The following AOAH variants were observed in gnomAD, a reference collection of about 807,000 sequenced individuals.
AOAH encodes the protein acyloxyacyl hydrolase (neutrophil).
AOAH carries 64 observed loss-of-function variants against 92.2 expected under a neutral mutation model. That is an observed-to-expected ratio of 0.69 (90% CI 0.57 to 0.86). AOAH has a LOEUF of 0.86. AOAH is among the 40% of genes least tolerant of loss of function. The pLI is 0.00. For missense variants in AOAH, 656 were observed against 694.6 expected (o/e 0.94, Z 0.62); for synonymous variants, 263 against 254.5 (o/e 1.03, Z -0.32).
chr7:36,715,847 T>C (rs1267997478), intron 1 of AOAH, among the ~76,000 whole-genome samples: 1 of 152,010 alleles, frequency 6.6e-6, no homozygotes, highest in Non-Finnish European at 1.5e-5. Flanking sequence ...AAGACTTAAA[T>C]GTTAGACCTA....
chr7:36,556,438 T>C (rs1242170524), intron 13 of AOAH, among the ~76,000 whole-genome samples: 2 of 152,174 alleles, frequency 1.3e-5, no homozygotes, highest in Non-Finnish European at 2.9e-5. Context: ...TGTGGTGTGG[T>C]GATGAAAAAA....
chr7:36,632,114 GAA>G lies in AOAH; in HGVS notation c.451-10_451-9del, dbSNP rs3832509. 2.1e-5 allele frequency: 27 copies of G among 1,301,780 alleles called. No individual in the cohort carries two copies. The highest frequency in any genetic ancestry group is 1.5e-4 in the Admixed American group (7 of 47,546). The allele number at this position is 1,301,780 out of a possible 1,614,324, so 80.6% of individuals were successfully genotyped here. A position where few individuals can be genotyped will look rare whatever the true frequency, so the allele number is the denominator to read the frequency against. On this transcript the variant is annotated splice_polypyrimidine_tract_variant and intron_variant, in intron 5 of 20. Transcript: ENST00000617537. Reference sequence around the variant, plus strand: ...ACCACTTCTAGAATATTTCTGGGGAGAAAAAAAAAAACAAAAAGAGAGTTGTT... The same window carrying G: ...ACCACTTCTAGAATATTTCTGGGGAGAAAAAAAAACAAAAAGAGAGTTGTT...
At chr7:36,576,025 T>C (rs1788472667) in intron 13 of AOAH, among the ~76,000 whole-genome samples, 1 of 152,174 alleles carries the variant, frequency 6.6e-6, no homozygotes, top group South Asian at 2.1e-4. Flanking sequence ...TGCATTATGG[T>C]GTTACAAAAC....
At chr7:36,644,037 G>T (rs1459145798) in intron 4 of AOAH, among the ~76,000 whole-genome samples, 1 of 152,196 alleles carries the variant, frequency 6.6e-6, no homozygotes, top group East Asian at 1.9e-4. Flanking sequence ...ACAATGTTGT[G>T]CCATGAATTA....
At chr7:36,613,989 C>CTGTT (rs1278220464) in intron 11 of AOAH, among the ~76,000 whole-genome samples, 1 of 152,144 alleles carries the variant, frequency 6.6e-6, no homozygotes, top group South Asian at 2.1e-4. Flanking sequence ...CAACCAGAGA[C>CTGTT]TGTTTGAGTT....
At chr7:36,560,177 C>T (rs1787155249) in intron 13 of AOAH, among the ~76,000 whole-genome samples, 1 of 152,070 alleles carries the variant, frequency 6.6e-6, no homozygotes, top group Admixed American at 6.6e-5. Flanking sequence ...ATGCCTCTAG[C>T]TTTATTCTTT....
intron 11 of AOAH, among the ~76,000 whole-genome samples, chr7:36,613,629 TC>T (rs1432041796): frequency 6.6e-6 from 1 of 152,202 alleles, no homozygotes; most frequent in Non-Finnish European, 1.5e-5. Flanking sequence ...TTCCAGAATT[TC>T]CCCAGCTGCC....
chr7:36,640,798 G>T (rs979070131), intron 4 of AOAH, among the ~76,000 whole-genome samples: 3 of 151,968 alleles, frequency 2.0e-5, no homozygotes, highest in South Asian at 2.1e-4. Flanking sequence ...GCCACCACTG[G>T]CTCCAACCCT....
intron 11 of AOAH, among the ~76,000 whole-genome samples, chr7:36,608,904 GC>G (rs368049235): frequency 0.013 from 1,939 of 145,396 alleles, 61 homozygotes; most frequent in African/African-American, 0.039. Context: ...AGCTGTTGCG[GC>G]GGGGAGGGGG....
At position 36,517,266 on chromosome 7, in the gene AOAH, T is replaced by TCTCTC. The variant is rs1562854281; in HGVS notation, c.1600-3887_1600-3886insGAGAG. Among the ~76,000 whole-genome samples, 19 of 4,570 alleles carry TCTCTC rather than the reference T, an allele frequency of 4.2e-3. 1 individual carries two copies. Among genetic ancestry groups the TCTCTC allele is most frequent in the East Asian group, 0.17 (1 of 6 alleles). The allele number at this position is 4,570 out of a possible 152,430, so 3.0% of individuals were successfully genotyped here. A position where few individuals can be genotyped will look rare whatever the true frequency, so the allele number is the denominator to read the frequency against. On this transcript the variant is annotated intron_variant, in intron 20 of 20. Transcript: ENST00000617537. Reference sequence around the variant, plus strand: ...TCTCTTTCTTTCTGTGTCTCTCTCTTTCTTTCTTTCTTTCTTTCTTTCTTT... The same window carrying TCTCTC: ...TCTCTTTCTTTCTGTGTCTCTCTCTTCTCTCTCTTTCTTTCTTTCTTTCTTTCTTT...
At chr7:36,637,758 G>A (rs1337099589) in intron 5 of AOAH, 93 bp downstream of exon 5, 21 of 1,139,056 alleles carry the variant, frequency 1.8e-5, no homozygotes, top group East Asian at 4.7e-5. Context: ...GCTTATATCC[G>A]GAGTAGTCCT....
intron 4 of AOAH, among the ~76,000 whole-genome samples, chr7:36,651,727 G>T (rs1277097516): frequency 6.6e-6 from 1 of 152,182 alleles, no homozygotes; most frequent in Admixed American, 6.5e-5. Context: ...CCAGGGCCCT[G>T]GGTTGAGTTC....
At chr7:36,578,653 T>C (rs1788702366) in intron 12 of AOAH, among the ~76,000 whole-genome samples, 1 of 152,214 alleles carries the variant, frequency 6.6e-6, no homozygotes, top group Non-Finnish European at 1.5e-5. Flanking sequence ...TGTTAGTCTT[T>C]GACATTATCT....
At chr7:36,535,170 TTG>T (rs980576653) in intron 16 of AOAH, among the ~76,000 whole-genome samples, 24 of 150,052 alleles carry the variant, frequency 1.6e-4, no homozygotes, top group African/African-American at 5.6e-4. Flanking sequence ...GTGTGTGTGT[TTG>T]TGTGTGTCTG....
chr7:36,646,890 C>G (rs1421032218), intron 4 of AOAH, among the ~76,000 whole-genome samples: 1 of 152,218 alleles, frequency 6.6e-6, no homozygotes, highest in Non-Finnish European at 1.5e-5. Flanking sequence ...AAATCCTTAA[C>G]TACATTACAC....
intron 12 of AOAH, among the ~76,000 whole-genome samples, chr7:36,586,308 C>T: frequency 6.6e-6 from 1 of 152,214 alleles, no homozygotes; most frequent in East Asian, 1.9e-4. Context: ...CCCATTCTTT[C>T]CAATCAGGCT....
chr7:36,534,043 A>T (rs1375634467), intron 16 of AOAH, among the ~76,000 whole-genome samples: 1 of 151,736 alleles, frequency 6.6e-6, no homozygotes, highest in African/African-American at 2.4e-5. Context: ...CTGCAGCCTG[A>T]CAGGAGGTGG....
intron 14 of AOAH, 78 bp from the exon 15 acceptor site, chr7:36,548,764 T>G: frequency 1.5e-6 from 2 of 1,347,938 alleles, no homozygotes; most frequent in Non-Finnish European, 2.1e-6. Flanking sequence ...GGCTGGGCCT[T>G]TGAAAACAAT....
intron 11 of AOAH, among the ~76,000 whole-genome samples, chr7:36,597,093 G>A (rs923111407): frequency 2.6e-5 from 4 of 152,074 alleles, no homozygotes; most frequent in African/African-American, 4.8e-5. Context: ...TTTCCAGCAC[G>A]GTAGGGGCTG....
Sources: gnomAD v4.1 joint callset for allele counts (sites outside exome capture counted in the v4.1 genomes callset) on GRCh38, gnomAD v4.1.1 for gene constraint, MANE v1.5 for transcripts, NCBI Gene and HGNC (gene_info 2026-07-23, HGNC 2026-07-21) for gene names.